Variants in RPL28 observed in about 807,000 individuals in gnomAD.
RPL28 encodes ribosomal protein L28, also known as large ribosomal subunit protein eL28.
In RPL28, 4 loss-of-function variants were observed where a neutral mutation model predicts 12.5. That is an observed-to-expected ratio of 0.32 (90% CI 0.16 to 0.73). RPL28 has a LOEUF of 0.73. Ranked by LOEUF, RPL28 falls within the 30% of genes least tolerant of loss-of-function variation. The probability of loss-of-function intolerance (pLI) is 0.66; values close to 1 mark genes in which losing one functional copy is unlikely to be tolerated. For missense variants in RPL28, 214 were observed against 197.7 expected (o/e 1.08, Z -0.49); for synonymous variants, 91 against 72.5 (o/e 1.26, Z -1.30).
chr19:55,391,014 A>G lies in RPL28; in HGVS notation c.*2682A>G, dbSNP rs1414189789. ...AGAAAACAGGCAGGCTCACCATAGTAAAAATGCTGAAAGCCAAAGACAAAA... is the reference window on the plus strand; with the variant it reads ...AGAAAACAGGCAGGCTCACCATAGTGAAAATGCTGAAAGCCAAAGACAAAA... On this transcript the variant is annotated 3_prime_UTR_variant, in exon 5 of 5. Transcript: ENST00000344063. 2 of 954,944 alleles carry G rather than the reference A, an allele frequency of 2.1e-6. No homozygotes were observed. The highest frequency in any genetic ancestry group is 2.5e-6 in the Non-Finnish European group (2 of 802,214). 59.2% of individuals were successfully genotyped at this position (954,944 alleles called of 1,614,324 possible).
At position 55,390,134 on chromosome 19, in the gene RPL28, A is replaced by G; in HGVS notation, c.*1802A>G. 1 of 985,412 alleles carries G rather than the reference A, an allele frequency of 1.0e-6. No individual in the cohort carries two copies. Among genetic ancestry groups the G allele is most frequent in the South Asian group, 4.7e-5 (1 of 21,292 alleles). The allele number at this position is 985,412 out of a possible 1,614,324, so 61.0% of individuals were successfully genotyped here. A position where few individuals can be genotyped will look rare whatever the true frequency, so the allele number is the denominator to read the frequency against. On this transcript the variant is annotated 3_prime_UTR_variant, in exon 5 of 5. Coordinates refer to ENST00000344063, the MANE Select transcript of RPL28 (RefSeq NM_000991.5). ...GGGCAAGGGGTTTGTCTAGCACACC[A>G]GCATATAATGAGATGCTTGATGAAT...
At chr19:55,399,776 C>G (rs13343706) in intron 4 of RPL28, 15,421 of 152,150 alleles carry the variant, frequency 0.1, 1,229 homozygotes, top group African/African-American at 0.2. Flanking sequence ...TTATGCACTT[C>G]GCTAAATTAT....
At chr19:55,386,525 C>G in intron 2 of RPL28, 45 bp from the exon 3 acceptor site, 1 of 1,598,172 alleles carries the variant, frequency 6.3e-7, no homozygotes, top group Non-Finnish European at 8.6e-7. Context: ...CTTCGCATGT[C>G]TCCGGGTCCC....
At position 55,386,470 on chromosome 19, in the gene RPL28, G is replaced by A. The variant is rs751631133; in HGVS notation, c.81+32G>A. ...GGGGCCCGGATGCGTGGCTCCTGCG[G>A]GAGGAGGGTCCTGAGTCTCTTGACT... On this transcript the variant is annotated intron_variant, in intron 2 of 4. Coordinates refer to ENST00000344063, the MANE Select transcript of RPL28 (RefSeq NM_000991.5). The A allele has an allele frequency of 3.1e-6, 5 of 1,611,888 alleles. No homozygotes were observed. In the South Asian group the frequency reaches 5.5e-5, roughly 18 times the overall value.
chr19:55,391,691 GAGA>G lies in RPL28; in HGVS notation c.*3363_*3365del. 1 of 1,538,950 alleles carries G rather than the reference GAGA, an allele frequency of 6.5e-7. No homozygotes were observed. Among genetic ancestry groups the G allele is most frequent in the Non-Finnish European group, 8.8e-7 (1 of 1,136,098 alleles). ...ATAGACCCTACTACTCAGGGTTGAT[GAGA>G]AGATTAAATGTGCAAAACCTGCTTG... On this transcript the variant is annotated 3_prime_UTR_variant, in exon 5 of 5. Transcript: ENST00000344063.
intron 4 of RPL28, among the ~76,000 whole-genome samples, chr19:55,402,538 A>G (rs1390224091): frequency 6.6e-6 from 1 of 152,212 alleles, no homozygotes; most frequent in African/African-American, 2.4e-5. Flanking sequence ...AACTGGCCAC[A>G]GCAGTTTGCT....
Position 55,388,700 on chromosome 19 carries a change from G to A in RPL28, c.*368G>A. On this transcript the variant is annotated 3_prime_UTR_variant, in exon 5 of 5. Coordinates refer to ENST00000344063, the MANE Select transcript of RPL28 (RefSeq NM_000991.5). ...CCCAGAAGGGTGCAGGCTGAGGGCTGGGCCCTGGGCCCTGGTGCTGTAGCA... is the reference window on the plus strand; with the variant it reads ...CCCAGAAGGGTGCAGGCTGAGGGCTAGGCCCTGGGCCCTGGTGCTGTAGCA... 1 of 1,049,208 alleles carries A rather than the reference G, an allele frequency of 9.5e-7. No individual in the cohort carries two copies. The highest frequency in any genetic ancestry group is 1.1e-6 in the Non-Finnish European group (1 of 872,108). The allele number at this position is 1,049,208 out of a possible 1,614,324, so 65.0% of individuals were successfully genotyped here. A position where few individuals can be genotyped will look rare whatever the true frequency, so the allele number is the denominator to read the frequency against.
intron 4 of RPL28, among the ~76,000 whole-genome samples, chr19:55,399,268 G>C (rs1273054924): frequency 6.6e-6 from 1 of 152,170 alleles, no homozygotes; most frequent in African/African-American, 2.4e-5. Flanking sequence ...CCAGGTTCAA[G>C]AGATTCTCCT....
At chr19:55,388,187 A>G (rs954064385) in intron 4 of RPL28, 56 bp from the exon 5 acceptor site, 1 of 1,517,244 alleles carries the variant, frequency 6.6e-7, no homozygotes, top group African/African-American at 1.4e-5. Flanking sequence ...GCATTGGCCT[A>G]GGGGGCGGCT....
Position 55,389,630 on chromosome 19 carries a change from C to G in RPL28, c.*1298C>G. On this transcript the variant is annotated 3_prime_UTR_variant, in exon 5 of 5. Coordinates refer to ENST00000344063, the MANE Select transcript of RPL28 (RefSeq NM_000991.5). ...CCTGCGTTTTGAGGCAGACCACTGC[C>G]CTTCCGACCTCAGTCCTGTCTGCTC... The G allele has an allele frequency of 1.0e-6, 1 of 985,536 alleles. No homozygotes were observed. The allele number at this position is 985,536 out of a possible 1,614,324, so 61.0% of individuals were successfully genotyped here.
intron 3 of RPL28, chr19:55,387,378 A>T (rs927392563): frequency 1.3e-6 from 2 of 1,551,166 alleles, no homozygotes; most frequent in African/African-American, 2.7e-5. Flanking sequence ...TTGGCTAGTG[A>T]TCCTCCTGTC....
Position 55,391,279 on chromosome 19 carries a change from G to C in RPL28, c.*2947G>C. The C allele has an allele frequency of 2.3e-6, 1 of 439,874 alleles. No homozygotes were observed. The highest frequency in any genetic ancestry group is 3.4e-6 in the Non-Finnish European group (1 of 289,952). The allele number at this position is 439,874 out of a possible 1,614,324, so 27.2% of individuals were successfully genotyped here. A position where few individuals can be genotyped will look rare whatever the true frequency, so the allele number is the denominator to read the frequency against. ...TTCCAGTCCCAGCTCTGCCAGTTAT[G>C]CCCAGCTGTGGGGACTTGGGCAGCT... On this transcript the variant is annotated 3_prime_UTR_variant, in exon 5 of 5. Transcript: ENST00000344063.
exon 5 of RPL28, chr19:55,403,006 C>T (rs11672075): frequency 0.39 from 590,743 of 1,529,634 alleles, 119,904 homozygotes; most frequent in Middle Eastern, 0.42. Flanking sequence ...TAGACCAGGA[C>T]GCCTCCACCT....
At chr19:55,397,890 A>C (rs1018696966) in intron 4 of RPL28, among the ~76,000 whole-genome samples, 2 of 152,024 alleles carry the variant, frequency 1.3e-5, no homozygotes, top group Non-Finnish European at 2.9e-5. Context: ...CCTGTGTCCT[A>C]TAGAGTCAGA....
chr19:55,400,882 CGAACCTTGGCCCAGTCCA>C (rs2090051993), intron 4 of RPL28: 1 of 154,500 alleles, frequency 6.5e-6, no homozygotes, highest in Admixed American at 6.3e-5. Flanking sequence ...TCAAGGGGAC[CGAACCTTGGCCCAGTCCA>C]GAACCAGACA....
chr19:55,402,631 T>C (rs1230047643), intron 4 of RPL28, among the ~76,000 whole-genome samples: 1 of 152,078 alleles, frequency 6.6e-6, no homozygotes, highest in East Asian at 1.9e-4. Flanking sequence ...AGGACACAGG[T>C]TCCCACCCTA....
intron 2 of RPL28, 46 bp downstream of exon 2, chr19:55,386,484 A>T: frequency 6.2e-7 from 1 of 1,608,844 alleles, no homozygotes; most frequent in East Asian, 2.2e-5. Context: ...GAGGGTCCTG[A>T]GTCTCTTGAC....
intron 3 of RPL28, chr19:55,387,026 G>A (rs2089937450): frequency 1.4e-6 from 2 of 1,442,892 alleles, no homozygotes; most frequent in South Asian, 1.5e-5. Flanking sequence ...CATCCCACAG[G>A]TGGGAAGATT....
rs62128187 is a variant in RPL28, at chr19:55,386,303, T to C, written c.-8-47T>C. 3,151 of 1,582,256 alleles carry C rather than the reference T, an allele frequency of 2.0e-3. 7 individuals are homozygous for C. Among genetic ancestry groups the C allele is most frequent in the Non-Finnish European group, 2.2e-3 (2,589 of 1,156,084 alleles). On this transcript the variant is annotated intron_variant, in intron 1 of 4. Transcript: ENST00000344063. The stretch of plus-strand genomic sequence containing the variant: ...AGCGTGGCCCGTGGCCTAACGCTGC[T>C]TTAGTTCTCTGTGTCTGACGCTTTC...
Sources: gnomAD v4.1 joint callset for allele counts (sites outside exome capture counted in the v4.1 genomes callset) on GRCh38, gnomAD v4.1.1 for gene constraint, MANE v1.5 for transcripts, NCBI Gene and HGNC (gene_info 2026-07-23, HGNC 2026-07-21) for gene names.